BCAS3: variants seen among roughly 807,000 people sequenced by gnomAD.
BCAS3 encodes BCAS3 microtubule associated cell migration factor, also known as BCAS4/BCAS3 fusion.
A neutral mutation model predicts 116.1 loss-of-function variants in BCAS3; 53 were observed. The ratio of observed to expected loss-of-function variants is 0.46; its 90% confidence interval spans 0.37 to 0.57. The LOEUF (loss-of-function observed/expected upper bound fraction) is 0.57, where lower values mean the gene tolerates loss of function less well. Ranked by LOEUF, BCAS3 falls within the 20% of genes least tolerant of loss-of-function variation. The pLI is 0.00. For missense variants in BCAS3, 917 were observed against 1,165.4 expected, an observed-to-expected ratio of 0.79 and a Z score of 3.10; for synonymous variants, 391 against 408.2, an observed-to-expected ratio of 0.96 and a Z score of 0.51.
chr17:61,130,488 C>G lies in BCAS3; in HGVS notation c.2425+45924C>G, dbSNP rs915699929. Among the ~76,000 whole-genome samples, 1 of 152,158 alleles carries G rather than the reference C, an allele frequency of 6.6e-6. No individual in the cohort carries two copies. The highest frequency in any genetic ancestry group is 1.9e-4 in the East Asian group (1 of 5,198). ...AAATCGGTCCCACAAACATAAGCCTCTCTAACCCTGCCACCTCCCCCAGTT... is the reference window on the plus strand; with the variant it reads ...AAATCGGTCCCACAAACATAAGCCTGTCTAACCCTGCCACCTCCCCCAGTT... On this transcript the variant is annotated intron_variant, in intron 22 of 23. Coordinates refer to ENST00000407086, the MANE Select transcript of BCAS3 (RefSeq NM_017679.5). The surrounding 1 kb of genome is among the most constrained non-coding windows in gnomAD (Gnocchi z 5.0).
rs2082051557 is a variant in BCAS3 at position 61,220,532 on chromosome 17, CA to C, written c.2425+135969del. ...TAAAACTTCAAATTTTAGGATTAAA[CA>C]GAATGGATATCCACTCCACCTGGAA... On this transcript the variant is annotated intron_variant, in intron 22 of 23. Coordinates refer to ENST00000407086, the MANE Select transcript of BCAS3 (RefSeq NM_017679.5). This position sits in a 1 kb window ranked among gnomAD's most constrained non-coding sequence, Gnocchi z 4.5. Among the ~76,000 whole-genome samples the C allele has an allele frequency of 6.6e-6, 1 of 152,138 alleles. No homozygotes were observed. The highest frequency in any genetic ancestry group is 2.1e-4 in the South Asian group (1 of 4,830).
In BCAS3 at chr17:61,013,809, C is replaced by G. The variant is rs1015742981; in HGVS notation, c.1487-1942C>G. On this transcript the variant is annotated intron_variant, in intron 15 of 23. Coordinates refer to ENST00000407086, the MANE Select transcript of BCAS3 (RefSeq NM_017679.5). The surrounding 1 kb of genome is among the most constrained non-coding windows in gnomAD (Gnocchi z 4.4). ...TAATATAAAAGGATAGATTTGTGTCCAAGGAAGAAGTAACATTTGGTTAAG... is the reference window on the plus strand; with the variant it reads ...TAATATAAAAGGATAGATTTGTGTCGAAGGAAGAAGTAACATTTGGTTAAG... Among the ~76,000 whole-genome samples, 6 of 151,932 alleles carry G rather than the reference C, an allele frequency of 3.9e-5. No homozygotes were observed. The highest frequency in any genetic ancestry group is 8.8e-5 in the Non-Finnish European group (6 of 67,912).
At chr17:61,237,547 C>T (rs568258906) in intron 22 of BCAS3, among the ~76,000 whole-genome samples, 24 of 152,282 alleles carry the variant, frequency 1.6e-4, no homozygotes, top group African/African-American at 5.5e-4. Context: ...CTGTTTGGGT[C>T]CTTGCCACCT....
intron 20 of BCAS3, 132 bp downstream of exon 20, chr17:61,075,152 C>A: frequency 1.5e-6 from 1 of 672,188 alleles, no homozygotes; most frequent in Admixed American, 3.0e-5. Context: ...GTTGTCTTTC[C>A]ATATTACAAA....
In BCAS3 at chr17:60,976,270, C is replaced by T. The variant is rs1404404407; in HGVS notation, c.1222-13701C>T. On this transcript the variant is annotated intron_variant, in intron 14 of 23. Coordinates refer to ENST00000407086, the MANE Select transcript of BCAS3 (RefSeq NM_017679.5). ...CAATCTCCTGACCTCGTGATCCACC[C>T]GCCTCGGCCTGCCAAAGTGCTGGGA... is the stretch of plus-strand genomic sequence containing the variant. 5.3e-5 allele frequency among the ~76,000 whole-genome samples: 8 copies of T among 151,414 alleles called. No individual in the cohort carries two copies. The East Asian group carries it at 1.4e-3, about 26-fold the overall frequency.
rs114114946 is a variant in BCAS3 at position 61,388,900 on chromosome 17, G to A, written c.2594-3077G>A. ...CACAAAGCTGCCCCGGGGCCAGCAG[G>A]CCCCCGATTCTTTCAGTTAGTCTGT... is the stretch of plus-strand genomic sequence containing the variant. On this transcript the variant is annotated intron_variant, in intron 23 of 23. Transcript: ENST00000407086. The surrounding 1 kb of genome is among the most constrained non-coding windows in gnomAD (Gnocchi z 6.5). 3.4e-3 allele frequency: 1,950 copies of A among 575,798 alleles called. 35 individuals are homozygous for A. The highest frequency in any genetic ancestry group is 0.032 in the African/African-American group (1,736 of 53,448). 35.7% of individuals were successfully genotyped at this position (575,798 alleles called of 1,614,324 possible).
At chr17:60,980,944 C>A (rs958938176) in intron 14 of BCAS3, among the ~76,000 whole-genome samples, 3 of 152,024 alleles carry the variant, frequency 2.0e-5, no homozygotes, top group Non-Finnish European at 4.4e-5. Flanking sequence ...AGCGATTCTC[C>A]CACCCTAGCC....
chr17:60,749,861 G>T (rs1012048346), intron 6 of BCAS3, among the ~76,000 whole-genome samples: 20 of 152,074 alleles, frequency 1.3e-4, no homozygotes, highest in African/African-American at 4.8e-4. Context: ...TACAATGTTG[G>T]CTAACATTTG....
chr17:60,679,551 T>C lies in BCAS3; in HGVS notation c.83+11T>C, dbSNP rs1273325569. The C allele has an allele frequency of 2.5e-6, 4 of 1,597,626 alleles. No homozygotes were observed. Among genetic ancestry groups the C allele is most frequent in the Admixed American group, 1.7e-5 (1 of 59,628 alleles). On this transcript the variant is annotated intron_variant, in intron 2 of 23. Coordinates refer to ENST00000407086, the MANE Select transcript of BCAS3 (RefSeq NM_017679.5). ...CCCCCAGGCTGTCACGTAAGCACAT[T>C]TCAGATAAACCCAATAGCTGAAGAA...
intron 22 of BCAS3, among the ~76,000 whole-genome samples, chr17:61,216,148 A>G (rs1030111885): frequency 6.6e-6 from 1 of 152,204 alleles, no homozygotes; most frequent in Non-Finnish European, 1.5e-5. Context: ...AGGGGGCACA[A>G]TGTGAATTTT....
At position 60,772,396 on chromosome 17, in the gene BCAS3, TG is replaced by T. The variant is rs571021458; in HGVS notation, c.403+25121del. On this transcript the variant is annotated intron_variant, in intron 6 of 23. Coordinates refer to ENST00000407086, the MANE Select transcript of BCAS3 (RefSeq NM_017679.5). ...TTCATATCCTTTGCCCACTTTTTGA[TG>T]GGGTTGTTTGATTTTTTCTTGAAAA... Among the ~76,000 whole-genome samples, 175 of 152,242 alleles carry T rather than the reference TG, an allele frequency of 1.1e-3. 2 individuals carry two copies. The highest frequency in any genetic ancestry group is 2.0e-3 in the Non-Finnish European group (136 of 68,026).
Position 61,328,053 on chromosome 17 carries a change from C to T in BCAS3, c.2426-40274C>T, listed in dbSNP as rs145455812. 2.2e-3 allele frequency among the ~76,000 whole-genome samples: 338 copies of T among 151,956 alleles called. 6 individuals are homozygous for T. The highest frequency in any genetic ancestry group is 8.0e-3 in the African/African-American group (330 of 41,444). ...AATTATTAAGGTATAGACAAAAGCA[C>T]TGTTGTAACGGCAAAGGAAAAAAAA... On this transcript the variant is annotated intron_variant, in intron 22 of 23. Coordinates refer to ENST00000407086, the MANE Select transcript of BCAS3 (RefSeq NM_017679.5).
intron 19 of BCAS3, among the ~76,000 whole-genome samples, chr17:61,070,525 A>T (rs1407627811): frequency 6.6e-6 from 1 of 151,314 alleles, no homozygotes; most frequent in African/African-American, 2.4e-5. Context: ...AGATGATTCA[A>T]TATCAAAAGG....
chr17:60,781,919 T>A (rs935182907), intron 6 of BCAS3, among the ~76,000 whole-genome samples: 13 of 152,210 alleles, frequency 8.5e-5, no homozygotes, highest in African/African-American at 3.1e-4. Flanking sequence ...GAAAATTCTC[T>A]GTCATTTATC....
chr17:61,000,786 G>T (rs907826796), intron 15 of BCAS3, among the ~76,000 whole-genome samples: 1 of 152,098 alleles, frequency 6.6e-6, no homozygotes, highest in Admixed American at 6.6e-5. Flanking sequence ...AAGCTCAGTT[G>T]CTACATTGCT....
At chr17:60,915,513 T>C (rs548280254) in intron 12 of BCAS3, among the ~76,000 whole-genome samples, 8 of 151,972 alleles carry the variant, frequency 5.3e-5, no homozygotes, top group African/African-American at 1.9e-4. Flanking sequence ...ACCCCATCCC[T>C]TTTTCCTGAT....
chr17:60,971,838 C>G (rs146962558), intron 14 of BCAS3, among the ~76,000 whole-genome samples: 1 of 152,278 alleles, frequency 6.6e-6, no homozygotes, highest in Non-Finnish European at 1.5e-5. Flanking sequence ...TGACCCATCC[C>G]CAAGTAGGTC....
Position 61,132,964 on chromosome 17 carries a change from A to G in BCAS3, c.2425+48400A>G, listed in dbSNP as rs1213258479. Among the ~76,000 whole-genome samples, 1 of 152,196 alleles carries G rather than the reference A, an allele frequency of 6.6e-6. No individual in the cohort carries two copies. The highest frequency in any genetic ancestry group is 1.9e-4 in the East Asian group (1 of 5,196). On this transcript the variant is annotated intron_variant, in intron 22 of 23. Coordinates refer to ENST00000407086, the MANE Select transcript of BCAS3 (RefSeq NM_017679.5). The surrounding 1 kb of genome is among the most constrained non-coding windows in gnomAD (Gnocchi z 5.1). ...TCAAGTGGATTCCTTTTCTTGGAGA[A>G]AGTCTCACTGTACTGAAAGAATCTT...
intron 15 of BCAS3, among the ~76,000 whole-genome samples, chr17:60,996,876 T>G (rs2063872491): frequency 6.6e-6 from 1 of 152,090 alleles, no homozygotes; most frequent in Non-Finnish European, 1.5e-5. Context: ...AGGGAATGAT[T>G]AATGTGTTAA....
Sources: allele counts gnomAD v4.1 joint callset (sites outside exome capture counted in the v4.1 genomes callset), GRCh38; gene constraint gnomAD v4.1.1; non-coding constraint Gnocchi (gnomAD v3.1); transcripts MANE v1.5; gene names NCBI Gene and HGNC (gene_info 2026-07-23, HGNC 2026-07-21).